The following SNX18 variants were observed in gnomAD, a reference collection of about 807,000 sequenced individuals.
The protein encoded by SNX18 is sorting nexin-18.
In SNX18, 35 loss-of-function variants were observed where a neutral mutation model predicts 48.7. The observed-to-expected ratio is 0.72, with a 90% CI of 0.55 to 0.95. The LOEUF (loss-of-function observed/expected upper bound fraction) is 0.95, where lower values mean the gene tolerates loss of function less well. Ranked by LOEUF, SNX18 falls within the 40% of genes least tolerant of loss-of-function variation. The pLI, the probability that SNX18 is intolerant of heterozygous loss-of-function variation, is 0.00. For synonymous variants in SNX18, 492 were observed against 384.7 expected (o/e 1.28, Z -3.26); for missense variants, 824 against 871.0 (o/e 0.95, Z 0.68).
chr5:54,591,852 AC>A, the SNX18 span, among the ~76,000 whole-genome samples: 6 of 152,018 alleles, frequency 3.9e-5, no homozygotes, highest in Non-Finnish European at 8.8e-5. Flanking sequence ...AGTCACCCTG[AC>A]CCCCAATGAG....
At chr5:54,567,211 G>T in the SNX18 span, among the ~76,000 whole-genome samples, 24,719 of 151,626 alleles carry the variant, frequency 0.16, 2,237 homozygotes, top group Middle Eastern at 0.27. Flanking sequence ...ATGTGTGTGT[G>T]TATGTGTGTG....
At chr5:54,640,401 TAA>T in the SNX18 span, among the ~76,000 whole-genome samples, 1 of 147,114 alleles carries the variant, frequency 6.8e-6, no homozygotes, top group Non-Finnish European at 1.5e-5. Flanking sequence ...TTCTTTTTTT[TAA>T]AAAAAAGATG....
intron 1 of SNX18, 103 bp downstream of exon 1, chr5:54,519,676 C>CCA: frequency 1.2e-6 from 2 of 1,614,204 alleles, no homozygotes; most frequent in Non-Finnish European, 8.5e-7. Context: ...TCATATTCTA[C>CCA]AGGTGAGGAA....
At chr5:54,570,956 C>T in the SNX18 span, among the ~76,000 whole-genome samples, 1 of 152,122 alleles carries the variant, frequency 6.6e-6, no homozygotes, top group East Asian at 1.9e-4. Flanking sequence ...GTTCTCCAGC[C>T]ACAAAAGAAG....
chr5:54,626,030 A>G, the SNX18 span, among the ~76,000 whole-genome samples: 1 of 152,240 alleles, frequency 6.6e-6, no homozygotes, highest in East Asian at 1.9e-4. Flanking sequence ...ATCTAGAGCC[A>G]GGCCTATCCC....
At chr5:54,606,081 T>C in the SNX18 span, among the ~76,000 whole-genome samples, 1 of 152,234 alleles carries the variant, frequency 6.6e-6, no homozygotes, top group African/African-American at 2.4e-5. Flanking sequence ...TACTTTTATA[T>C]TGCAATAAAT....
At chr5:54,534,235 T>C (rs773209597) in intron 1 of SNX18, among the ~76,000 whole-genome samples, 105 of 118,760 alleles carry the variant, frequency 8.8e-4, no homozygotes, top group Non-Finnish European at 1.8e-3. Flanking sequence ...GCTTTCTTTT[T>C]TCTTTTTTTT....
chr5:54,520,185 A>C (rs1335483129), intron 1 of SNX18: 1 of 226,042 alleles, frequency 4.4e-6, no homozygotes, highest in Non-Finnish European at 9.6e-6. Flanking sequence ...ATGTACTGAA[A>C]TTGAGAACGT....
the SNX18 span, among the ~76,000 whole-genome samples, chr5:54,602,360 T>C: frequency 6.6e-6 from 1 of 152,094 alleles, no homozygotes. Flanking sequence ...AAAATGGCCA[T>C]AGTCTAGCAG....
the SNX18 span, among the ~76,000 whole-genome samples, chr5:54,614,784 G>GC: frequency 6.6e-6 from 1 of 152,142 alleles, no homozygotes; most frequent in East Asian, 1.9e-4. Context: ...CATCAGTCAA[G>GC]CCTGGGTGAT....
At chr5:54,626,599 T>G in the SNX18 span, among the ~76,000 whole-genome samples, 3 of 152,254 alleles carry the variant, frequency 2.0e-5, no homozygotes, top group African/African-American at 7.2e-5. Flanking sequence ...CAGAAATTAG[T>G]GTTTCTCAAC....
At chr5:54,633,701 T>C in the SNX18 span, among the ~76,000 whole-genome samples, 1 of 152,242 alleles carries the variant, frequency 6.6e-6, no homozygotes, top group East Asian at 1.9e-4. Flanking sequence ...ATGTTACCTG[T>C]TACTATGCAT....
chr5:54,609,859 T>A, the SNX18 span, among the ~76,000 whole-genome samples: 3 of 152,164 alleles, frequency 2.0e-5, no homozygotes, highest in African/African-American at 4.8e-5. Flanking sequence ...GGGAGGTGAT[T>A]GGATCATGGG....
chr5:54,555,176 T>C, the SNX18 span, among the ~76,000 whole-genome samples: 684 of 152,354 alleles, frequency 4.5e-3, 5 homozygotes, highest in African/African-American at 0.016. Context: ...TACCTGCTAC[T>C]GGCAGCTGTC....
the SNX18 span, among the ~76,000 whole-genome samples, chr5:54,600,891 C>A: frequency 1.3e-5 from 2 of 152,050 alleles, no homozygotes; most frequent in African/African-American, 4.8e-5. Flanking sequence ...GGCTTAATAC[C>A]TAGGTGATGA....
At chr5:54,556,067 A>G in the SNX18 span, among the ~76,000 whole-genome samples, 1 of 152,186 alleles carries the variant, frequency 6.6e-6, no homozygotes, top group South Asian at 2.1e-4. Flanking sequence ...GTGAAAGCCT[A>G]AAATCTTCAA....
At chr5:54,526,497 T>C (rs1762133701) in intron 1 of SNX18, among the ~76,000 whole-genome samples, 1 of 152,174 alleles carries the variant, frequency 6.6e-6, no homozygotes, top group Admixed American at 6.5e-5. Context: ...ATGACTTATC[T>C]GTCACTGTGA....
chr5:54,567,555 C>T, the SNX18 span, among the ~76,000 whole-genome samples: 1 of 152,106 alleles, frequency 6.6e-6, no homozygotes, highest in African/African-American at 2.4e-5. Context: ...ACAAAAACAT[C>T]AGGGCGATGT....
the SNX18 span, among the ~76,000 whole-genome samples, chr5:54,592,112 G>C: frequency 2.6e-5 from 4 of 152,194 alleles, no homozygotes; most frequent in South Asian, 6.2e-4. Context: ...TGTTCAAAAG[G>C]CTTCACTTGG....
Sources: gnomAD v4.1 joint callset for allele counts (sites outside exome capture counted in the v4.1 genomes callset) on GRCh38, gnomAD v4.1.1 for gene constraint, MANE v1.5 for transcripts, NCBI Gene and HGNC (gene_info 2026-07-23, HGNC 2026-07-21) for gene names.